Variants in CALD1 observed in about 807,000 individuals in gnomAD.
CALD1 encodes caldesmon 1.
Under a neutral mutation model 99.9 loss-of-function variants are expected in CALD1, and 33 were observed. The observed-to-expected ratio is 0.33, with a 90% CI of 0.25 to 0.44. The LOEUF is 0.44. Among genes scored for constraint, CALD1 ranks in the 20% least tolerant of loss-of-function variants. The probability of loss-of-function intolerance (pLI) is 1.00; values close to 1 mark genes in which losing one functional copy is unlikely to be tolerated. For synonymous variants in CALD1, 310 were observed against 325.0 expected, an observed-to-expected ratio of 0.95 and a Z score of 0.50; for missense variants, 861 against 962.1, an observed-to-expected ratio of 0.89 and a Z score of 1.39.
upstream of CALD1, among the ~76,000 whole-genome samples, chr7:134,777,146 CT>C (rs920011561): frequency 3.8e-4 from 57 of 151,382 alleles, no homozygotes; most frequent in East Asian, 5.8e-4. Flanking sequence ...CAACATGTAT[CT>C]TTTTTTTTCC....
chr7:134,949,546 T>C (rs559869102), intron 8 of CALD1, among the ~76,000 whole-genome samples: 1 of 152,266 alleles, frequency 6.6e-6, no homozygotes, highest in South Asian at 2.1e-4. Flanking sequence ...TCAAACCATC[T>C]AAAATTATAT....
chr7:134,830,257 C>T (rs1049292703), intron 1 of CALD1, among the ~76,000 whole-genome samples: 18 of 152,174 alleles, frequency 1.2e-4, no homozygotes, highest in South Asian at 2.1e-4. Context: ...TGTGTGTTAT[C>T]TCACTCGTAG....
intron 1 of CALD1, among the ~76,000 whole-genome samples, chr7:134,780,092 TACTGCACCAG>T (rs1797044500): frequency 6.6e-6 from 1 of 152,212 alleles, no homozygotes; most frequent in Non-Finnish European, 1.5e-5. Context: ...TTAGCAAGCC[TACTGCACCAG>T]ACTGCTCACA....
In CALD1 at chr7:134,947,559, C is replaced by T. The variant is rs1297574645; in HGVS notation, c.1584C>T (p.Pro528=). 6.4e-7 allele frequency: 1 copy of T among 1,563,168 alleles called. No homozygotes were observed. The highest frequency in any genetic ancestry group is 8.7e-7 in the Non-Finnish European group (1 of 1,153,388). ...SVDTKEAEGA[P]QVEAGKRLEE... is the part of the protein sequence containing the mutation. Reference sequence around the variant, plus strand: ...ACACCAAGGAGGCTGAGGGCGCCCCCCAGGTGGAAGCCGGCAAAAGGCTGG... The same window carrying T: ...ACACCAAGGAGGCTGAGGGCGCCCCTCAGGTGGAAGCCGGCAAAAGGCTGG... Residue 528 remains proline (P), a synonymous_variant, in exon 8 of 15, where the codon CCC becomes CCT. Transcript: ENST00000361675.
At chr7:134,914,503 A>T (rs1399591085) in intron 3 of CALD1, among the ~76,000 whole-genome samples, 4 of 152,222 alleles carry the variant, frequency 2.6e-5, no homozygotes, top group Non-Finnish European at 5.9e-5. Flanking sequence ...TCCCTTCCAC[A>T]GGGCCATAGC....
At chr7:134,738,992 C>T in the CALD1 span, among the ~76,000 whole-genome samples, 7 of 152,150 alleles carry the variant, frequency 4.6e-5, no homozygotes, top group African/African-American at 7.2e-5. Flanking sequence ...TTTTAGGATT[C>T]GTTGTATCAA....
chr7:134,962,647 G>A (rs1189627924), intron 13 of CALD1, among the ~76,000 whole-genome samples: 1 of 152,092 alleles, frequency 6.6e-6, no homozygotes, highest in African/African-American at 2.4e-5. Flanking sequence ...GCTATTTGTG[G>A]GTAGAATTTA....
chr7:134,891,636 G>C, intron 3 of CALD1: 1 of 1,608,988 alleles, frequency 6.2e-7, no homozygotes, highest in Non-Finnish European at 8.5e-7. Context: ...GGGTGGATCC[G>C]GATCGCATGG....
intron 6 of CALD1, among the ~76,000 whole-genome samples, chr7:134,938,054 T>C (rs192538085): frequency 2.6e-5 from 4 of 152,226 alleles, no homozygotes; most frequent in Admixed American, 2.6e-4. Flanking sequence ...TTAGTGTGCA[T>C]GCAAATCACC....
At chr7:134,862,314 A>G (rs1800598304) in intron 2 of CALD1, among the ~76,000 whole-genome samples, 5 of 152,242 alleles carry the variant, frequency 3.3e-5, no homozygotes. Flanking sequence ...TTGAAATTCC[A>G]TAAAATGGGG....
At chr7:134,784,276 T>C (rs997047556) in intron 1 of CALD1, among the ~76,000 whole-genome samples, 1 of 152,154 alleles carries the variant, frequency 6.6e-6, no homozygotes, top group African/African-American at 2.4e-5. Flanking sequence ...AGCAGGAATA[T>C]ATAATTAGTT....
Position 134,779,638 on chromosome 7 carries a change from T to A in CALD1, c.-241T>A. The A allele has an allele frequency of 2.5e-6, 1 of 398,686 alleles. No individual in the cohort carries two copies. The highest frequency in any genetic ancestry group is 4.4e-6 in the Non-Finnish European group (1 of 226,140). 24.7% of individuals were successfully genotyped at this position (398,686 alleles called of 1,614,324 possible). A position where few individuals can be genotyped will look rare whatever the true frequency, so the allele number is the denominator to read the frequency against. ...TGGAGTTTTATTGAATAGAGCAGTG[T>A]GTATTCGGCTGCCTGCCTGCCCGCC... On this transcript the variant is annotated 5_prime_UTR_variant, in exon 1 of 15. Coordinates refer to ENST00000361675, the MANE Select transcript of CALD1 (RefSeq NM_033138.4).
At chr7:134,771,779 T>C (rs1351974258) in intron 1 of CALD1, among the ~76,000 whole-genome samples, 3 of 152,220 alleles carry the variant, frequency 2.0e-5, no homozygotes, top group African/African-American at 7.2e-5. Flanking sequence ...TTATTTAATA[T>C]GCACTTGCTG....
chr7:134,920,850 T>C (rs1035804579), intron 3 of CALD1: 1 of 422,854 alleles, frequency 2.4e-6, no homozygotes, highest in Non-Finnish European at 4.3e-6. Flanking sequence ...GCAGAAACAA[T>C]TAAGGAAAAC....
chr7:134,871,025 T>C (rs1801047480), intron 3 of CALD1, among the ~76,000 whole-genome samples: 1 of 152,166 alleles, frequency 6.6e-6, no homozygotes, highest in African/African-American at 2.4e-5. Context: ...GGTTTTGATC[T>C]GAAGACAAAG....
chr7:134,766,691 G>T (rs1267765118), intron 1 of CALD1, among the ~76,000 whole-genome samples: 1 of 152,178 alleles, frequency 6.6e-6, no homozygotes, highest in East Asian at 1.9e-4. Context: ...CTGGACCTGG[G>T]AGGATGCCCA....
the CALD1 span, among the ~76,000 whole-genome samples, chr7:134,732,284 A>C: frequency 2.6e-5 from 4 of 152,192 alleles, no homozygotes; most frequent in Non-Finnish European, 5.9e-5. Flanking sequence ...TTCAAGGGCC[A>C]CCCAATGCCT....
intron 1 of CALD1, among the ~76,000 whole-genome samples, chr7:134,786,693 G>T (rs1797319787): frequency 6.6e-6 from 1 of 152,206 alleles, no homozygotes; most frequent in Non-Finnish European, 1.5e-5. Flanking sequence ...CTTGACCAAA[G>T]TCATCCAGTT....
At chr7:134,758,057 A>C (rs1348024007) in intron 1 of CALD1, among the ~76,000 whole-genome samples, 1 of 152,214 alleles carries the variant, frequency 6.6e-6, no homozygotes, top group African/African-American at 2.4e-5. Flanking sequence ...GACTCTGTTC[A>C]GTATAGCAAA....
Sources: allele counts gnomAD v4.1 joint callset (sites outside exome capture counted in the v4.1 genomes callset), GRCh38; gene constraint gnomAD v4.1.1; transcripts MANE v1.5; gene names NCBI Gene and HGNC (gene_info 2026-07-23, HGNC 2026-07-21).